The following RFXANK variants were observed in gnomAD, a reference collection of about 807,000 sequenced individuals.
RFXANK encodes the protein DNA-binding protein RFXANK.
A neutral mutation model predicts 34.5 loss-of-function variants in RFXANK; 19 were observed. The observed-to-expected ratio is 0.55, with a 90% CI of 0.38 to 0.81. The LOEUF is 0.81. RFXANK is among the 30% of genes least tolerant of loss of function. The pLI is 0.00. For missense variants in RFXANK, 295 were observed against 343.5 expected, an observed-to-expected ratio of 0.86 and a Z score of 1.12; for synonymous variants, 154 against 149.8, an observed-to-expected ratio of 1.03 and a Z score of -0.20.
At chr19:19,193,837 T>C in intron 2 of RFXANK, 102 bp from the exon 3 acceptor site, 1 of 1,339,274 alleles carries the variant, frequency 7.5e-7, no homozygotes, top group Non-Finnish European at 1.1e-6. Context: ...GGACCTCAGT[T>C]TACCCACCCT....
chr19:19,194,402 T>A (rs1354533913), intron 3 of RFXANK, among the ~76,000 whole-genome samples: 1 of 152,100 alleles, frequency 6.6e-6, no homozygotes, highest in African/African-American at 2.4e-5. Context: ...CCAGCTAATT[T>A]TTTGGGTATT....
chr19:19,194,224 T>C, intron 3 of RFXANK, 91 bp downstream of exon 3: 1 of 1,330,350 alleles, frequency 7.5e-7, no homozygotes, highest in Non-Finnish European at 1.1e-6. Context: ...CTTTCGTTTT[T>C]GTTTTGTTTT....
intron 9 of RFXANK, among the ~76,000 whole-genome samples, chr19:19,199,784 G>A (rs182410839): frequency 2.0e-5 from 3 of 152,248 alleles, no homozygotes; most frequent in African/African-American, 7.2e-5. Flanking sequence ...GTTTGAACAG[G>A]GGCCATAGGC....
At chr19:19,201,575 G>A in intron 9 of RFXANK, 74 bp from the exon 10 acceptor site, 1 of 1,610,796 alleles carries the variant, frequency 6.2e-7, no homozygotes, top group Non-Finnish European at 8.5e-7. Flanking sequence ...TAAGGGGAGA[G>A]CGCAGGTTGG....
Position 19,201,773 on chromosome 19 carries a change from T to G in RFXANK, c.*54T>G. 2 of 1,613,576 alleles carry G rather than the reference T, an allele frequency of 1.2e-6. No individual in the cohort carries two copies. The highest frequency in any genetic ancestry group is 1.7e-6 in the Non-Finnish European group (2 of 1,179,872). On this transcript the variant is annotated 3_prime_UTR_variant, in exon 10 of 10. Transcript: ENST00000303088. ...AGGGAACAAAATGGTCAGCCAGAGC[T>G]GGGGAAACCCAGAACTGACTTCAAA...
chr19:19,198,243 G>A lies in RFXANK; in HGVS notation c.564+11G>A. The A allele has an allele frequency of 6.2e-7, 1 of 1,614,076 alleles. No individual in the cohort carries two copies. The highest frequency in any genetic ancestry group is 8.5e-7 in the Non-Finnish European group (1 of 1,179,992). On this transcript the variant is annotated intron_variant, in intron 7 of 9. Coordinates refer to ENST00000303088, the MANE Select transcript of RFXANK (RefSeq NM_003721.4). Reference sequence around the variant, plus strand: ...AACATCTATGATTGGGTGAGGGACTGCCCATCCCCAGGACCTCTCAGCCTC... The same window carrying A: ...AACATCTATGATTGGGTGAGGGACTACCCATCCCCAGGACCTCTCAGCCTC...
rs757454493 is a variant in RFXANK at position 19,199,195 on chromosome 19, A to AC, written c.677dup (p.Met227AspfsTer32). On this transcript the variant is annotated frameshift_variant, in exon 9 of 10. Coordinates refer to ENST00000303088, the MANE Select transcript of RFXANK (RefSeq NM_003721.4). LOFTEE classifies it high-confidence loss of function. ...CACCACCGAAGCCGACTCTGGCTAC[A>AC]CCCCGATGGACCTTGCCGTGGCCCT... 1 of 1,613,710 alleles carries AC rather than the reference A, an allele frequency of 6.2e-7. No individual in the cohort carries two copies. Among genetic ancestry groups the AC allele is most frequent in the Non-Finnish European group, 8.5e-7 (1 of 1,179,936 alleles).
chr19:19,192,813 G>A (rs897265006), intron 1 of RFXANK, 147 bp from the exon 2 acceptor site: 1 of 152,600 alleles, frequency 6.6e-6, no homozygotes, highest in African/African-American at 2.4e-5. Context: ...CGGAACCCAC[G>A]CCCTCCCCTA....
At chr19:19,192,593 TC>T (rs2060502831) in intron 1 of RFXANK, 39 bp downstream of exon 1, 1 of 162,354 alleles carries the variant, frequency 6.2e-6, no homozygotes, top group Admixed American at 6.3e-5. Context: ...CCCGCGTACT[TC>T]CCCTACTTCT....
At position 19,192,273 on chromosome 19, in the gene RFXANK, AGGG is replaced by A; in HGVS notation, c.-429_-427del. ...GCTCCTCAGTCTTTGCGGACAAGAA[AGGG>A]GCTGTGTGAGACGCAGGGAAGGAGG... On this transcript the variant is annotated 5_prime_UTR_variant, in exon 1 of 10. Transcript: ENST00000303088. The A allele has an allele frequency of 9.9e-6, 10 of 1,012,746 alleles. No individual in the cohort carries two copies. The South Asian group carries it at 1.2e-4, about 12-fold the overall frequency. 62.7% of individuals were successfully genotyped at this position (1,012,746 alleles called of 1,614,324 possible). A position where few individuals can be genotyped will look rare whatever the true frequency, so the allele number is the denominator to read the frequency against.
intron 3 of RFXANK, 121 bp downstream of exon 3, chr19:19,194,254 T>C: frequency 8.7e-7 from 1 of 1,146,030 alleles, no homozygotes; most frequent in Non-Finnish European, 1.3e-6. Flanking sequence ...TTTTTTGAGA[T>C]GGAGTTTTGC....
intron 6 of RFXANK, 125 bp downstream of exon 6, chr19:19,197,746 T>A: frequency 1.1e-6 from 1 of 887,288 alleles, no homozygotes; most frequent in Non-Finnish European, 1.8e-6. Context: ...CAGTGGCTCA[T>A]GCCTGTAATC....
In RFXANK at chr19:19,197,639, T is replaced by C; in HGVS notation, c.438+18T>C. The C allele has an allele frequency of 6.2e-7, 1 of 1,610,402 alleles. No homozygotes were observed. The highest frequency in any genetic ancestry group is 8.5e-7 in the Non-Finnish European group (1 of 1,177,432). ...TGGAGTGGGTGCGTCCCAGCCCAGC[T>C]GGGCAGCTGGGGGGTTCCCGGGGGC... On this transcript the variant is annotated intron_variant, in intron 6 of 9. Transcript: ENST00000303088.
At chr19:19,201,413 G>T (rs2060712953) in intron 9 of RFXANK, 1 of 1,415,276 alleles carries the variant, frequency 7.1e-7, no homozygotes. Flanking sequence ...CACACATTTT[G>T]CTTGGTAGGA....
chr19:19,193,158 C>T (rs1291854187), intron 2 of RFXANK, 58 bp downstream of exon 2: 5 of 152,196 alleles, frequency 3.3e-5, no homozygotes, highest in Non-Finnish European at 1.5e-5. Context: ...ACCAATCGCA[C>T]CTTTGTTGAG....
At position 19,198,246 on chromosome 19, in the gene RFXANK, C is replaced by T. The variant is rs1414222629; in HGVS notation, c.564+14C>T. 6.2e-7 allele frequency: 1 copy of T among 1,614,062 alleles called. No homozygotes were observed. Among genetic ancestry groups the T allele is most frequent in the African/African-American group, 1.3e-5 (1 of 75,070 alleles). Reference sequence around the variant, plus strand: ...ATCTATGATTGGGTGAGGGACTGCCCATCCCCAGGACCTCTCAGCCTCCTG... The same window carrying T: ...ATCTATGATTGGGTGAGGGACTGCCTATCCCCAGGACCTCTCAGCCTCCTG... On this transcript the variant is annotated intron_variant, in intron 7 of 9. Transcript: ENST00000303088.
At position 19,197,589 on chromosome 19, in the gene RFXANK, G is replaced by A. The variant is rs1481704512; in HGVS notation, c.406G>A (p.Glu136Lys). ...CCTCATCTGGGCCTCCGCCTTTGGA[G>A]AGATTGAGACCGTTCGCTTCCTGCT... ...TPLIWASAFG[E>K]IETVRFLLEW... Residue 136 changes from glutamate to lysine, a missense_variant, in exon 6 of 10, where the codon GAG (glutamate) becomes AAG (lysine). Coordinates refer to ENST00000303088, the MANE Select transcript of RFXANK (RefSeq NM_003721.4). 1 of 1,613,896 alleles carries A rather than the reference G, an allele frequency of 6.2e-7. No individual in the cohort carries two copies. The highest frequency in any genetic ancestry group is 1.1e-5 in the South Asian group (1 of 91,082).
rs746506139 is a variant in RFXANK at position 19,198,180 on chromosome 19, A to G, written c.512A>G (p.Asp171Gly). The change falls in exon 7 of 10, where the codon GAC (aspartate) becomes GGC (glycine). Residue 171 changes from aspartate to glycine, a missense_variant. Physicochemically the swap from Asp to Gly is moderately conservative, Grantham distance 94. Coordinates refer to ENST00000303088, the MANE Select transcript of RFXANK (RefSeq NM_003721.4). ...CTGGCCAGCACAGGCGGCTACACAG[A>G]CATTGTGGGGCTGCTGCTGGAGCGT... The part of the protein sequence containing the change: ...LSLASTGGYT[D>G]IVGLLLERDV... 7 of 1,614,152 alleles carry G rather than the reference A, an allele frequency of 4.3e-6. No individual in the cohort carries two copies. The highest frequency in any genetic ancestry group is 5.9e-6 in the Non-Finnish European group (7 of 1,180,018).
Position 19,197,606 on chromosome 19 carries a change from C to T in RFXANK, c.423C>T (p.Arg141=), listed in dbSNP as rs781096107. 1.1e-5 allele frequency: 17 copies of T among 1,613,768 alleles called. No homozygotes were observed. The highest frequency in any genetic ancestry group is 7.7e-5 in the South Asian group (7 of 91,070). Residue 141 remains arginine, a synonymous_variant, in exon 6 of 10, where the codon CGC becomes CGT. Transcript: ENST00000303088. Reference sequence around the variant, plus strand: ...CCTTTGGAGAGATTGAGACCGTTCGCTTCCTGCTGGAGTGGGTGCGTCCCA... The same window carrying T: ...CCTTTGGAGAGATTGAGACCGTTCGTTTCCTGCTGGAGTGGGTGCGTCCCA... ...ASAFGEIETV[R]FLLEWGADPH... is the part of the protein sequence containing the mutation.
Sources: allele counts gnomAD v4.1 joint callset (sites outside exome capture counted in the v4.1 genomes callset), GRCh38; gene constraint gnomAD v4.1.1; transcripts MANE v1.5; gene names NCBI Gene and HGNC (gene_info 2026-07-23, HGNC 2026-07-21).